The following RSPO4 variants were observed in gnomAD, a reference collection of about 807,000 sequenced individuals.
RSPO4 encodes R-spondin-4.
A neutral mutation model predicts 24.8 loss-of-function variants in RSPO4; 23 were observed. The observed-to-expected ratio is 0.93, with a 90% CI of 0.67 to 1.31. The LOEUF is 1.31. RSPO4 is among the 40% of genes most tolerant of loss of function. The pLI, the probability that RSPO4 is intolerant of heterozygous loss-of-function variation, is 0.00. For synonymous variants in RSPO4, 141 were observed against 127.4 expected, an observed-to-expected ratio of 1.11 and a Z score of -0.72; for missense variants, 333 against 316.5, an observed-to-expected ratio of 1.05 and a Z score of -0.39.
intron 1 of RSPO4, among the ~76,000 whole-genome samples, chr20:977,250 G>A (rs1984594349): frequency 6.6e-6 from 1 of 152,222 alleles, no homozygotes; most frequent in African/African-American, 2.4e-5. Context: ...TTGCTAACAG[G>A]TTCCCAGGTG....
At position 981,464 on chromosome 20, in the gene RSPO4, G is replaced by T. The variant is rs1294230384; in HGVS notation, c.80-13326C>A. Among the ~76,000 whole-genome samples the T allele has an allele frequency of 6.6e-6, 1 of 152,182 alleles. No homozygotes were observed. The highest frequency in any genetic ancestry group is 1.5e-5 in the Non-Finnish European group (1 of 68,040). ...CGCTTGAATCCAGGATGCGGAGGTT[G>T]CATGAGCCAAGATTGCACCACTGCA... On this transcript the variant is annotated intron_variant, in intron 1 of 4. Transcript: ENST00000217260. This position sits in a 1 kb window ranked among gnomAD's most constrained non-coding sequence, Gnocchi z 4.6.
rs958891219 is a variant in RSPO4 at position 981,936 on chromosome 20, G to T, written c.80-13798C>A. On this transcript the variant is annotated intron_variant, in intron 1 of 4. Coordinates refer to ENST00000217260, the MANE Select transcript of RSPO4 (RefSeq NM_001029871.4). The surrounding 1 kb of genome is among the most constrained non-coding windows in gnomAD (Gnocchi z 4.6). ...AAATCTCTGCTTCCCCATTCTCCTG[G>T]ACCTGCCCTGGACCACATCTATTCT... Among the ~76,000 whole-genome samples, 3 of 152,050 alleles carry T rather than the reference G, an allele frequency of 2.0e-5. No individual in the cohort carries two copies. Among genetic ancestry groups the T allele is most frequent in the African/African-American group, 7.2e-5 (3 of 41,394 alleles).
At chr20:972,804 G>A (rs772488557) in intron 1 of RSPO4, among the ~76,000 whole-genome samples, 72 of 152,356 alleles carry the variant, frequency 4.7e-4, no homozygotes, top group Non-Finnish European at 9.3e-4. Context: ...GCTGTGCCTT[G>A]GCGCTGTGTA....
At chr20:980,600 CCTG>C (rs1339495908) in intron 1 of RSPO4, among the ~76,000 whole-genome samples, 1 of 152,168 alleles carries the variant, frequency 6.6e-6, no homozygotes, top group Non-Finnish European at 1.5e-5. Context: ...AGAAAAATTA[CCTG>C]CTAAGTTGCA....
intron 1 of RSPO4, among the ~76,000 whole-genome samples, chr20:971,545 C>CT (rs1713593515): frequency 6.6e-6 from 1 of 152,164 alleles, no homozygotes; most frequent in Admixed American, 6.5e-5. Context: ...TGATAAATGA[C>CT]TGAGGTAGCT....
At chr20:982,298 A>G (rs1244964375) in intron 1 of RSPO4, among the ~76,000 whole-genome samples, 1 of 152,214 alleles carries the variant, frequency 6.6e-6, no homozygotes, top group Non-Finnish European at 1.5e-5. Context: ...AGTTGTTACA[A>G]AACTGTCTTG....
At chr20:993,298 G>A (rs557450448) in intron 1 of RSPO4, among the ~76,000 whole-genome samples, 4 of 152,250 alleles carry the variant, frequency 2.6e-5, no homozygotes, top group Non-Finnish European at 5.9e-5. Context: ...GGCAGGCAGT[G>A]GCGGCCCAGC....
At chr20:961,330 TG>T (rs1983991201) in intron 4 of RSPO4, among the ~76,000 whole-genome samples, 1 of 152,234 alleles carries the variant, frequency 6.6e-6, no homozygotes, top group African/African-American at 2.4e-5. Context: ...TGTGTCCATT[TG>T]AACACGATGA....
chr20:978,020 T>C (rs1600094771), intron 1 of RSPO4, among the ~76,000 whole-genome samples: 1 of 152,080 alleles, frequency 6.6e-6, no homozygotes, highest in African/African-American at 2.4e-5. Flanking sequence ...TGCCTAGGGG[T>C]AGATTGCACC....
chr20:971,520 T>C (rs551396727), intron 1 of RSPO4, among the ~76,000 whole-genome samples: 1 of 152,160 alleles, frequency 6.6e-6, no homozygotes, highest in Non-Finnish European at 1.5e-5. Flanking sequence ...AGATACCACA[T>C]ACACAACCCA....
chr20:963,284 A>G (rs996914037), intron 4 of RSPO4, among the ~76,000 whole-genome samples: 1 of 152,164 alleles, frequency 6.6e-6, no homozygotes, highest in South Asian at 2.1e-4. Flanking sequence ...CTGGGAGCTG[A>G]ATTCTGTTTG....
rs1984727957 is a variant in RSPO4 at position 981,330 on chromosome 20, G to A, written c.80-13192C>T. ...ATAGGAGGCCCGGAGTTCGAGACCAGCCTGGCCAACATGGCAAAACCCCGT... is the reference window on the plus strand; with the variant it reads ...ATAGGAGGCCCGGAGTTCGAGACCAACCTGGCCAACATGGCAAAACCCCGT... On this transcript the variant is annotated intron_variant, in intron 1 of 4. Coordinates refer to ENST00000217260, the MANE Select transcript of RSPO4 (RefSeq NM_001029871.4). This position sits in a 1 kb window ranked among gnomAD's most constrained non-coding sequence, Gnocchi z 4.6. 6.6e-6 allele frequency among the ~76,000 whole-genome samples: 1 copy of A among 152,104 alleles called. No homozygotes were observed. Among genetic ancestry groups the A allele is most frequent in the Admixed American group, 6.5e-5 (1 of 15,272 alleles).
chr20:964,709 C>CAT (rs537350471), intron 3 of RSPO4, among the ~76,000 whole-genome samples: 37 of 146,518 alleles, frequency 2.5e-4, no homozygotes, highest in South Asian at 6.4e-4. Flanking sequence ...CACACACACA[C>CAT]ATATATATAT....
chr20:970,827 G>T lies in RSPO4; in HGVS notation c.80-2689C>A, dbSNP rs144812178. 8.1e-3 allele frequency among the ~76,000 whole-genome samples: 1,226 copies of T among 152,234 alleles called. 13 individuals are homozygous for T. The highest frequency in any genetic ancestry group is 0.011 in the Non-Finnish European group (757 of 68,002). On this transcript the variant is annotated intron_variant, in intron 1 of 4. Coordinates refer to ENST00000217260, the MANE Select transcript of RSPO4 (RefSeq NM_001029871.4). This position sits in a 1 kb window ranked among gnomAD's most constrained non-coding sequence, Gnocchi z 4.1. Reference sequence around the variant, plus strand: ...TTGGAGATGTCTCTTTTCTTTTTGTGTTAAAAAGTTTTTTTGTTTGTTTTG... The same window carrying T: ...TTGGAGATGTCTCTTTTCTTTTTGTTTTAAAAAGTTTTTTTGTTTGTTTTG...
At chr20:991,058 G>A (rs533352257) in intron 1 of RSPO4, among the ~76,000 whole-genome samples, 2 of 152,318 alleles carry the variant, frequency 1.3e-5, no homozygotes, top group African/African-American at 4.8e-5. Flanking sequence ...GGGAAGGGTG[G>A]TCCAATGTTG....
intron 1 of RSPO4, among the ~76,000 whole-genome samples, chr20:980,317 C>T (rs1984696177): frequency 6.6e-6 from 1 of 152,236 alleles, no homozygotes. Context: ...TACCTACTGA[C>T]GCCTTGCTAA....
At chr20:971,158 T>C (rs1044989865) in intron 1 of RSPO4, among the ~76,000 whole-genome samples, 1 of 152,260 alleles carries the variant, frequency 6.6e-6, no homozygotes, top group Admixed American at 6.5e-5. Context: ...CTCTTCTAAA[T>C]GTAACAATTT....
chr20:967,098 C>G (rs1170303083), intron 3 of RSPO4, 76 bp downstream of exon 3: 4 of 1,453,518 alleles, frequency 2.8e-6, no homozygotes, highest in Non-Finnish European at 3.8e-6. Context: ...CTTCCAGGGC[C>G]CCTAACATCT....
intron 4 of RSPO4, among the ~76,000 whole-genome samples, chr20:962,652 T>G (rs1021556992): frequency 2.2e-4 from 33 of 152,180 alleles, no homozygotes; most frequent in Non-Finnish European, 4.4e-4. Flanking sequence ...CTCCTATCTC[T>G]GCTAGCTGCA....
Sources: allele counts gnomAD v4.1 joint callset (sites outside exome capture counted in the v4.1 genomes callset), GRCh38; gene constraint gnomAD v4.1.1; non-coding constraint Gnocchi (gnomAD v3.1); transcripts MANE v1.5; gene names NCBI Gene and HGNC (gene_info 2026-07-23, HGNC 2026-07-21).